DAPK1: variants seen among roughly 807,000 people sequenced by gnomAD.
The protein encoded by DAPK1 is death-associated protein kinase 1.
DAPK1 carries 56 observed loss-of-function variants against 144.9 expected under a neutral mutation model. That is an observed-to-expected ratio of 0.39 (90% CI 0.31 to 0.48). The LOEUF (loss-of-function observed/expected upper bound fraction) is 0.48, where lower values mean the gene tolerates loss of function less well. Among genes scored for constraint, DAPK1 ranks in the 20% least tolerant of loss-of-function variants. DAPK1 has a pLI of 0.95. For missense variants in DAPK1, 1,454 were observed against 1,875.4 expected, an observed-to-expected ratio of 0.78 and a Z score of 4.15; for synonymous variants, 690 against 749.0, an observed-to-expected ratio of 0.92 and a Z score of 1.29.
rs536641423 is a variant in DAPK1, at chr9:87,514,716, C to T, written c.62+15577C>T. Among the ~76,000 whole-genome samples the T allele has an allele frequency of 7.9e-5, 12 of 152,298 alleles. 1 individual carries two copies. The highest frequency in any genetic ancestry group is 2.9e-4 in the African/African-American group (12 of 41,558). ...TAACAGATACAAAGATGAAGCCAGA[C>T]AATTAAGTTGGAGAGAAAAAGCAAT... On this transcript the variant is annotated intron_variant, in intron 2 of 25. Transcript: ENST00000408954.
At chr9:87,696,584 T>C (rs1564075779) in intron 21 of DAPK1, among the ~76,000 whole-genome samples, 1 of 152,212 alleles carries the variant, frequency 6.6e-6, no homozygotes, top group Non-Finnish European at 1.5e-5. Flanking sequence ...GGTCTAAATG[T>C]GACAGAAGGT....
At chr9:87,604,803 G>A in intron 2 of DAPK1, 151 bp from the exon 3 acceptor site, 1 of 638,186 alleles carries the variant, frequency 1.6e-6, no homozygotes, top group Non-Finnish European at 2.7e-6. Flanking sequence ...AATGAATGAT[G>A]ATAAGAAACA....
intron 2 of DAPK1, among the ~76,000 whole-genome samples, chr9:87,571,563 A>C (rs1011402073): frequency 1.4e-4 from 21 of 150,328 alleles, no homozygotes; most frequent in African/African-American, 5.1e-4. Context: ...AAAAGGGAAC[A>C]GAGAGGGTTT....
In DAPK1 at chr9:87,497,934, G is replaced by T. The variant is rs1387717720; in HGVS notation, c.-282G>T. The T allele has an allele frequency of 5.0e-6, 2 of 396,410 alleles. No homozygotes were observed. Among genetic ancestry groups the T allele is most frequent in the Non-Finnish European group, 8.9e-6 (2 of 225,220 alleles). The allele number at this position is 396,410 out of a possible 1,614,324, so 24.6% of individuals were successfully genotyped here. On this transcript the variant is annotated 5_prime_UTR_variant, in exon 1 of 26. Coordinates refer to ENST00000408954, the MANE Select transcript of DAPK1 (RefSeq NM_004938.4). ...GGGACTTTGTTCCCTCCGCGGAGGG[G>T]ACTCGGCAACTCGCAGCGGCAGGGT...
At chr9:87,654,876 A>G (rs1217855019) in intron 17 of DAPK1, among the ~76,000 whole-genome samples, 1 of 152,050 alleles carries the variant, frequency 6.6e-6, no homozygotes, top group Non-Finnish European at 1.5e-5. Context: ...TCCCAGTTTC[A>G]CTCCATACCT....
rs1251603678 is a variant in DAPK1, at chr9:87,499,148, G to A, written c.62+9G>A. 25 of 1,612,166 alleles carry A rather than the reference G, an allele frequency of 1.6e-5. No homozygotes were observed. The highest frequency in any genetic ancestry group is 2.0e-5 in the Non-Finnish European group (24 of 1,178,394). On this transcript the variant is annotated intron_variant, in intron 2 of 25. Coordinates refer to ENST00000408954, the MANE Select transcript of DAPK1 (RefSeq NM_004938.4). ...GGCGAGGAACTTGGCAGGTAAAGGG[G>A]GTACCAGAAGCGTACCCTCCTGGAT...
intron 4 of DAPK1, 120 bp from the exon 5 acceptor site, chr9:87,639,234 C>T (rs1830005930): frequency 1.1e-6 from 1 of 923,288 alleles, no homozygotes; most frequent in Non-Finnish European, 1.6e-6. Context: ...TCTCTTCCAA[C>T]CACCCTTTCT....
At chr9:87,683,589 GC>G (rs1824723060) in intron 20 of DAPK1, among the ~76,000 whole-genome samples, 1 of 152,158 alleles carries the variant, frequency 6.6e-6, no homozygotes, top group Non-Finnish European at 1.5e-5. Flanking sequence ...ATGCCCAGGA[GC>G]CCCCATTGTG....
chr9:87,613,250 T>A (rs1828989519), intron 3 of DAPK1, among the ~76,000 whole-genome samples: 1 of 152,230 alleles, frequency 6.6e-6, no homozygotes, highest in Admixed American at 6.5e-5. Context: ...CTTAACCATT[T>A]TTAAGTGCAC....
chr9:87,639,261 T>TA (rs1830007977), intron 4 of DAPK1, 93 bp from the exon 5 acceptor site: 1 of 207,782 alleles, frequency 4.8e-6, no homozygotes, highest in East Asian at 1.6e-4. Context: ...CTTTTTGGCC[T>TA]TTTTTTTTTT....
At position 87,686,751 on chromosome 9, in the gene DAPK1, C is replaced by G. The variant is rs560779263; in HGVS notation, c.2413+12C>G. 1 of 1,594,196 alleles carries G rather than the reference C, an allele frequency of 6.3e-7. No homozygotes were observed. The highest frequency in any genetic ancestry group is 2.2e-5 in the East Asian group (1 of 44,628). On this transcript the variant is annotated intron_variant, in intron 21 of 25. Coordinates refer to ENST00000408954, the MANE Select transcript of DAPK1 (RefSeq NM_004938.4). This position sits in a 1 kb window ranked among gnomAD's most constrained non-coding sequence, Gnocchi z 4.2. The stretch of plus-strand genomic sequence containing the variant: ...CGCTTATTTGAATGGTATGCCCTGC[C>G]TGCCCCAAGGGAAGGACCTCAGGTT...
intron 2 of DAPK1, among the ~76,000 whole-genome samples, chr9:87,508,346 A>ATTTT (rs200413597): frequency 1.4e-5 from 2 of 140,554 alleles, no homozygotes; most frequent in African/African-American, 5.3e-5. Flanking sequence ...GATTGTCAGG[A>ATTTT]TTTTTTTTTT....
intron 2 of DAPK1, among the ~76,000 whole-genome samples, chr9:87,499,614 G>A (rs1214736151): frequency 2.0e-5 from 3 of 152,232 alleles, no homozygotes; most frequent in Admixed American, 2.0e-4. Context: ...AGACTTGCCA[G>A]ATGTTGACAT....
chr9:87,634,953 A>G (rs1829838422), intron 3 of DAPK1, among the ~76,000 whole-genome samples: 1 of 152,202 alleles, frequency 6.6e-6, no homozygotes, highest in African/African-American at 2.4e-5. Context: ...TTTATTGAGC[A>G]CTAAGGGTCG....
In DAPK1 at chr9:87,681,406, T is replaced by A. The variant is rs763107366; in HGVS notation, c.2004T>A (p.Asp668Glu). ...VAGLLARLRK[D>E]THRGLFIQQL... The stretch of plus-strand genomic sequence containing the variant: ...GGCTCTTTCTCATCCATGCTCAGGA[T>A]ACGCACCGAGGACTCTTCATCCAGC... Residue 668 changes from aspartate (D) to glutamate (E), a missense_variant and splice_region_variant, in exon 20 of 26, where the codon GAT becomes GAA. Asp to Glu is a conservative substitution (Grantham distance 45). Coordinates refer to ENST00000408954, the MANE Select transcript of DAPK1 (RefSeq NM_004938.4). 1.1e-5 allele frequency: 18 copies of A among 1,573,864 alleles called. No homozygotes were observed. The highest frequency in any genetic ancestry group is 1.6e-5 in the Non-Finnish European group (18 of 1,143,488).
At chr9:87,540,081 A>G (rs1825991342) in intron 2 of DAPK1, among the ~76,000 whole-genome samples, 1 of 151,958 alleles carries the variant, frequency 6.6e-6, no homozygotes, top group South Asian at 2.1e-4. Context: ...GATATGTGGT[A>G]GAAGATATTT....
intron 3 of DAPK1, among the ~76,000 whole-genome samples, chr9:87,634,697 G>T (rs769385718): frequency 6.6e-6 from 1 of 152,210 alleles, no homozygotes; most frequent in Non-Finnish European, 1.5e-5. Flanking sequence ...TGGCAGGCCA[G>T]GTGGCTGCTC....
intron 2 of DAPK1, among the ~76,000 whole-genome samples, chr9:87,561,337 T>C (rs1046922994): frequency 1.1e-4 from 17 of 152,072 alleles, no homozygotes; most frequent in African/African-American, 4.1e-4. Context: ...CCAGCCTGGC[T>C]AACACGGTGA....
rs537554128 is a variant in DAPK1, at chr9:87,629,713, T to C, written c.285-8230T>C. 8.1e-4 allele frequency among the ~76,000 whole-genome samples: 124 copies of C among 152,240 alleles called. 1 individual carries two copies. The highest frequency in any genetic ancestry group is 2.9e-3 in the African/African-American group (122 of 41,540). On this transcript the variant is annotated intron_variant, in intron 3 of 25. Transcript: ENST00000408954. ...AGTATACATTTAGGATCAAATAAAA[T>C]TGGAAATTTCAGTTCCTCTATCATA...
Sources: gnomAD v4.1 joint callset for allele counts (sites outside exome capture counted in the v4.1 genomes callset) on GRCh38, gnomAD v4.1.1 for gene constraint, Gnocchi (gnomAD v3.1) non-coding constraint, MANE v1.5 for transcripts, NCBI Gene and HGNC (gene_info 2026-07-23, HGNC 2026-07-21) for gene names.